SORCS2: variants seen among roughly 807,000 people sequenced by gnomAD.
The protein encoded by SORCS2 is sortilin related VPS10 domain containing receptor 2.
SORCS2 carries 100 observed loss-of-function variants against 141.6 expected under a neutral mutation model. The observed-to-expected ratio is 0.71, with a 90% CI of 0.60 to 0.83. SORCS2 has a LOEUF of 0.83. Among genes scored for constraint, SORCS2 ranks in the 40% least tolerant of loss-of-function variants. The pLI, the probability that SORCS2 is intolerant of heterozygous loss-of-function variation, is 0.00. For synonymous variants in SORCS2, 789 were observed against 676.9 expected (o/e 1.17, Z -2.57); for missense variants, 1,646 against 1,560.2 (o/e 1.05, Z -0.93).
chr4:7,657,028 C>T (rs1721821347), intron 5 of SORCS2, among the ~76,000 whole-genome samples: 1 of 152,230 alleles, frequency 6.6e-6, no homozygotes, highest in Admixed American at 6.5e-5. Context: ...TTGCCATTTC[C>T]TGCGGGGAGT....
rs549725612 is a variant in SORCS2 at position 7,686,678 on chromosome 4, C to T, written c.1489-2808C>T. 3.0e-4 allele frequency among the ~76,000 whole-genome samples: 45 copies of T among 152,352 alleles called. 2 individuals are homozygous for T. The highest frequency in any genetic ancestry group is 2.9e-3 in the Admixed American group (44 of 15,310). The stretch of plus-strand genomic sequence containing the variant: ...GGGCTCCTGATGCGCACTGGCCTGC[C>T]ACCTGTGCAGGACATCCTGGTGCCC... On this transcript the variant is annotated intron_variant, in intron 10 of 26. Coordinates refer to ENST00000507866, the MANE Select transcript of SORCS2 (RefSeq NM_020777.3).
chr4:7,330,755 A>G (rs1577407285), intron 1 of SORCS2, among the ~76,000 whole-genome samples: 2 of 152,172 alleles, frequency 1.3e-5, no homozygotes, highest in East Asian at 3.9e-4. Flanking sequence ...GTGATCAAGG[A>G]AACGGAGACT....
chr4:7,646,220 C>A lies in SORCS2; in HGVS notation c.813+7728C>A, dbSNP rs147790171. Among the ~76,000 whole-genome samples, 5 of 152,334 alleles carry A rather than the reference C, an allele frequency of 3.3e-5. No homozygotes were observed. In the South Asian group the frequency reaches 1.0e-3, roughly 32 times the overall value. On this transcript the variant is annotated intron_variant, in intron 4 of 26. Coordinates refer to ENST00000507866, the MANE Select transcript of SORCS2 (RefSeq NM_020777.3). ...CTGTGCAGGCGTGAGCTCCGCACAGCGCACACGGGGCCGGCAGGCTGGGGA... is the reference window on the plus strand; with the variant it reads ...CTGTGCAGGCGTGAGCTCCGCACAGAGCACACGGGGCCGGCAGGCTGGGGA...
intron 1 of SORCS2, among the ~76,000 whole-genome samples, chr4:7,335,556 C>T (rs548266409): frequency 4.6e-5 from 7 of 152,342 alleles, no homozygotes; most frequent in African/African-American, 9.6e-5. Flanking sequence ...TCGGGGCACC[C>T]GAGGACGGCC....
chr4:7,609,495 C>A (rs187516725), intron 3 of SORCS2, among the ~76,000 whole-genome samples: 65 of 152,328 alleles, frequency 4.3e-4, no homozygotes, highest in African/African-American at 1.4e-3. Context: ...CTGTGACCTC[C>A]CCCGTCCAGC....
chr4:7,628,386 G>T (rs1719657076), intron 3 of SORCS2, among the ~76,000 whole-genome samples: 3 of 152,116 alleles, frequency 2.0e-5, no homozygotes, highest in Non-Finnish European at 4.4e-5. Flanking sequence ...TGGCGTGGTG[G>T]CGGGCGCCTG....
At chr4:7,491,607 T>C (rs1221767580) in intron 2 of SORCS2, among the ~76,000 whole-genome samples, 1 of 152,214 alleles carries the variant, frequency 6.6e-6, no homozygotes, top group Non-Finnish European at 1.5e-5. Flanking sequence ...GGCCAGCAGG[T>C]CCCTTGACCT....
Position 7,706,064 on chromosome 4 carries a change from GGATGAGGCTGGGCTCTGCCTGGACAGA to G in SORCS2, c.1868+1798_1868+1824del, listed in dbSNP as rs1560498516. Among the ~76,000 whole-genome samples the G allele has an allele frequency of 2.7e-3, 391 of 143,640 alleles. 1 individual carries two copies. Among genetic ancestry groups the G allele is most frequent in the South Asian group, 4.0e-3 (18 of 4,552 alleles). 94.2% of individuals were successfully genotyped at this position (143,640 alleles called of 152,430 possible). On this transcript the variant is annotated intron_variant, in intron 14 of 26. Transcript: ENST00000507866. ...ATGAGGCTGGGCTCCGCCTGGGCAG[GGATGAGGCTGGGCTCTGCCTGGACAGA>G]GATGAGGCTGGGCTCTGTCTGGGCA...
At chr4:7,675,213 G>A (rs1395682492) in intron 8 of SORCS2, among the ~76,000 whole-genome samples, 1 of 152,240 alleles carries the variant, frequency 6.6e-6, no homozygotes, top group Non-Finnish European at 1.5e-5. Context: ...ACCTGGGGCT[G>A]AACCCGAAGC....
chr4:7,340,984 G>C (rs945018067), intron 1 of SORCS2, among the ~76,000 whole-genome samples: 1 of 152,368 alleles, frequency 6.6e-6, no homozygotes, highest in South Asian at 2.1e-4. Flanking sequence ...GGCCAGAGCA[G>C]CTGGAACAAA....
intron 2 of SORCS2, among the ~76,000 whole-genome samples, chr4:7,483,662 AG>A (rs1312064160): frequency 1.3e-5 from 2 of 150,586 alleles, no homozygotes; most frequent in Non-Finnish European, 3.0e-5. Flanking sequence ...GTGTCTTCCA[AG>A]GGGCTTACAA....
At chr4:7,698,470 A>G (rs1417622230) in intron 12 of SORCS2, among the ~76,000 whole-genome samples, 1 of 152,216 alleles carries the variant, frequency 6.6e-6, no homozygotes, top group Non-Finnish European at 1.5e-5. Flanking sequence ...TAATATTTCT[A>G]TTTCACTAAA....
chr4:7,634,865 C>T (rs1720141202), intron 3 of SORCS2, among the ~76,000 whole-genome samples: 1 of 152,226 alleles, frequency 6.6e-6, no homozygotes. Context: ...CTCCCAAGAA[C>T]CCACAACCCC....
intron 1 of SORCS2, among the ~76,000 whole-genome samples, chr4:7,387,714 A>G (rs1407884942): frequency 7.0e-6 from 1 of 143,558 alleles, no homozygotes; most frequent in Non-Finnish European, 1.5e-5. Flanking sequence ...ATGCACACAC[A>G]TGCACACACA....
intron 1 of SORCS2, among the ~76,000 whole-genome samples, chr4:7,265,381 C>A (rs962264634): frequency 6.6e-6 from 1 of 152,198 alleles, no homozygotes; most frequent in African/African-American, 2.4e-5. Flanking sequence ...GTCCCAGCTA[C>A]TCAGGAGGCT....
intron 1 of SORCS2, among the ~76,000 whole-genome samples, chr4:7,308,697 C>T (rs538316671): frequency 6.6e-6 from 1 of 152,256 alleles, no homozygotes; most frequent in East Asian, 1.9e-4. Flanking sequence ...TCCCCCTCTT[C>T]CCACCAGCAC....
chr4:7,676,897 TCTCTCTCTCCCTCTCTCC>T (rs1192213394), intron 9 of SORCS2, among the ~76,000 whole-genome samples: 2 of 21,520 alleles, frequency 9.3e-5, no homozygotes, highest in African/African-American at 2.4e-4. Flanking sequence ...TTGGCCTCTC[TCTCTCTCTCCCTCTCTCC>T]CTCTCTCCCT....
chr4:7,456,643 C>A (rs2109311416), intron 2 of SORCS2, among the ~76,000 whole-genome samples: 1 of 152,254 alleles, frequency 6.6e-6, no homozygotes, highest in African/African-American at 2.4e-5. Context: ...GAGGGTAACG[C>A]AGGAAGGGGC....
chr4:7,338,294 G>A (rs1720138563), intron 1 of SORCS2, among the ~76,000 whole-genome samples: 1 of 150,978 alleles, frequency 6.6e-6, no homozygotes, highest in South Asian at 2.1e-4. Flanking sequence ...AAGGATGGAT[G>A]GATGGATGGA....
Sources: allele counts gnomAD v4.1 joint callset (sites outside exome capture counted in the v4.1 genomes callset), GRCh38; gene constraint gnomAD v4.1.1; transcripts MANE v1.5; gene names NCBI Gene and HGNC (gene_info 2026-07-23, HGNC 2026-07-21).